GLG1: variants seen among roughly 807,000 people sequenced by gnomAD.
GLG1 encodes the protein golgi glycoprotein 1.
In GLG1, 38 loss-of-function variants were observed where a neutral mutation model predicts 160.5. The ratio of observed to expected loss-of-function variants is 0.24; its 90% CI spans 0.18 to 0.31. GLG1 has a LOEUF of 0.31. Among genes scored for constraint, GLG1 ranks in the 10% least tolerant of loss-of-function variants. GLG1 has a pLI of 1.00. For missense variants in GLG1, 1,373 were observed against 1,505.2 expected (o/e 0.91, Z 1.45); for synonymous variants, 644 against 543.4 (o/e 1.19, Z -2.57).
chr16:74,453,021 A>C lies in GLG1; in HGVS notation c.*146T>G. Reference sequence around the variant, plus strand: ...CACCATGGACACGAGTGGAGGCTGGATGGGACAACGCAGTGGACATCTGCT... The same window carrying C: ...CACCATGGACACGAGTGGAGGCTGGCTGGGACAACGCAGTGGACATCTGCT... On this transcript the variant is annotated 3_prime_UTR_variant, in exon 26 of 26. Coordinates refer to ENST00000422840, the MANE Select transcript of GLG1 (RefSeq NM_001145667.2). 1 of 1,400,264 alleles carries C rather than the reference A, an allele frequency of 7.1e-7. No homozygotes were observed. Among genetic ancestry groups the C allele is most frequent in the East Asian group, 2.6e-5 (1 of 39,094 alleles). The allele number at this position is 1,400,264 out of a possible 1,614,324, so 86.7% of individuals were successfully genotyped here.
intron 3 of GLG1, among the ~76,000 whole-genome samples, chr16:74,506,604 A>AAAC (rs1555511216): frequency 2.1e-5 from 3 of 142,942 alleles, no homozygotes; most frequent in African/African-American, 5.1e-5. Context: ...AAAAAAAAAA[A>AAAC]CTCAAGAGAA....
intron 2 of GLG1, among the ~76,000 whole-genome samples, chr16:74,531,781 A>T (rs1010786800): frequency 3.7e-4 from 56 of 152,368 alleles, no homozygotes; most frequent in Non-Finnish European, 1.5e-4. Flanking sequence ...GTGCTACTAT[A>T]GCGTTTGGCA....
chr16:74,583,369 A>C (rs1370241887), intron 1 of GLG1, among the ~76,000 whole-genome samples: 1 of 152,156 alleles, frequency 6.6e-6, no homozygotes, highest in African/African-American at 2.4e-5. Context: ...GTAGTGTAAC[A>C]GTTAAACTTT....
intron 1 of GLG1, among the ~76,000 whole-genome samples, chr16:74,547,953 T>G (rs2018094363): frequency 6.6e-6 from 1 of 152,248 alleles, no homozygotes; most frequent in African/African-American, 2.4e-5. Context: ...TGTTTTGAGA[T>G]GGAGTCTCGC....
At chr16:74,528,872 T>C (rs2017433102) in intron 2 of GLG1, among the ~76,000 whole-genome samples, 1 of 149,320 alleles carries the variant, frequency 6.7e-6, no homozygotes, top group South Asian at 2.1e-4. Context: ...TGAGGTTCAC[T>C]AAGTTCGTTG....
At chr16:74,543,159 T>G (rs1277634434) in intron 1 of GLG1, among the ~76,000 whole-genome samples, 1 of 152,094 alleles carries the variant, frequency 6.6e-6, no homozygotes, top group Non-Finnish European at 1.5e-5. Context: ...CAGTGCAAAT[T>G]ACTGGTGCTT....
At chr16:74,507,810 T>C (rs1405166930) in intron 3 of GLG1, among the ~76,000 whole-genome samples, 4 of 152,158 alleles carry the variant, frequency 2.6e-5, no homozygotes, top group African/African-American at 9.7e-5. Flanking sequence ...AGTTCAAGCC[T>C]AGGAATAATT....
intron 1 of GLG1, among the ~76,000 whole-genome samples, chr16:74,575,280 T>A (rs2018970114): frequency 1.3e-5 from 2 of 151,926 alleles, no homozygotes; most frequent in Admixed American, 1.3e-4. Context: ...ACCTAACAGT[T>A]AATACAAATG....
intron 18 of GLG1, 100 bp downstream of exon 18, chr16:74,467,656 C>G: frequency 1.3e-6 from 1 of 785,082 alleles, no homozygotes; most frequent in South Asian, 1.7e-5. Context: ...GCAAAAAATT[C>G]ATGACTAAAA....
chr16:74,486,252 C>T (rs1597254310), intron 8 of GLG1, among the ~76,000 whole-genome samples: 1 of 152,096 alleles, frequency 6.6e-6, no homozygotes, highest in Non-Finnish European at 1.5e-5. Flanking sequence ...CCTGGTGCTC[C>T]CGGCAAAGCC....
At chr16:74,542,633 T>C (rs1000159758) in intron 1 of GLG1, among the ~76,000 whole-genome samples, 1 of 143,774 alleles carries the variant, frequency 7.0e-6, no homozygotes, top group Non-Finnish European at 1.5e-5. Context: ...GATTGCATCA[T>C]TGCACTCCAG....
chr16:74,477,598 T>C, intron 11 of GLG1, 65 bp from the exon 12 acceptor site: 2 of 1,202,554 alleles, frequency 1.7e-6, no homozygotes, highest in Non-Finnish European at 2.4e-6. Flanking sequence ...AGATATGAGA[T>C]AAACCTGCTA....
At chr16:74,602,427 T>C (rs1014661142) in intron 1 of GLG1, among the ~76,000 whole-genome samples, 4 of 152,206 alleles carry the variant, frequency 2.6e-5, no homozygotes, top group South Asian at 2.1e-4. Context: ...TTGAAGTATT[T>C]GAAATGACAG....
At chr16:74,573,585 T>C (rs1030251733) in intron 1 of GLG1, among the ~76,000 whole-genome samples, 6 of 140,222 alleles carry the variant, frequency 4.3e-5, no homozygotes, top group Non-Finnish European at 9.2e-5. Flanking sequence ...TCTTGCCTTT[T>C]TTTTTTTTTT....
chr16:74,485,728 G>A, intron 9 of GLG1, 68 bp downstream of exon 9: 1 of 1,448,966 alleles, frequency 6.9e-7, no homozygotes, highest in Non-Finnish European at 9.4e-7. Flanking sequence ...AAAGTCATTT[G>A]AAGGAATGTT....
chr16:74,466,423 A>G (rs1412214869), intron 18 of GLG1, among the ~76,000 whole-genome samples: 1 of 152,232 alleles, frequency 6.6e-6, no homozygotes, highest in Non-Finnish European at 1.5e-5. Context: ...AAACCTTCAG[A>G]TATCATGAAA....
chr16:74,545,275 G>C (rs1241131775), intron 1 of GLG1, among the ~76,000 whole-genome samples: 1 of 151,958 alleles, frequency 6.6e-6, no homozygotes, highest in African/African-American at 2.4e-5. Flanking sequence ...CAACCTCCCA[G>C]CCTCAAGTGA....
chr16:74,497,659 G>C (rs965180097), intron 4 of GLG1, among the ~76,000 whole-genome samples: 2 of 151,960 alleles, frequency 1.3e-5, no homozygotes, highest in South Asian at 2.1e-4. Context: ...GGATGGTCTC[G>C]ATCTCCTGAC....
intron 2 of GLG1, among the ~76,000 whole-genome samples, chr16:74,530,009 A>G (rs1016981497): frequency 1.3e-4 from 20 of 151,458 alleles, no homozygotes; most frequent in Non-Finnish European, 2.7e-4. Context: ...GGGTTTCACT[A>G]TGTTGGCCAG....
Sources: gnomAD v4.1 joint callset for allele counts (sites outside exome capture counted in the v4.1 genomes callset) on GRCh38, gnomAD v4.1.1 for gene constraint, MANE v1.5 for transcripts, NCBI Gene and HGNC (gene_info 2026-07-23, HGNC 2026-07-21) for gene names.